Variants in POLR1A observed in about 807,000 individuals in gnomAD.
POLR1A encodes DNA-directed RNA polymerase I subunit RPA1.
A neutral mutation model predicts 205.3 loss-of-function variants in POLR1A; 84 were observed. The observed-to-expected ratio is 0.41, with a 90% CI of 0.34 to 0.49. The LOEUF is 0.49. Ranked by LOEUF, POLR1A falls within the 20% of genes least tolerant of loss-of-function variation. The pLI, the probability that POLR1A is intolerant of heterozygous loss-of-function variation, is 0.22. For missense variants in POLR1A, 1,645 were observed against 2,204.5 expected, an observed-to-expected ratio of 0.75 and a Z score of 5.08; for synonymous variants, 799 against 863.7, an observed-to-expected ratio of 0.93 and a Z score of 1.31.
chr2:86,063,614 G>A (rs1026302967), intron 14 of POLR1A, among the ~76,000 whole-genome samples: 7 of 152,010 alleles, frequency 4.6e-5, no homozygotes, highest in African/African-American at 1.7e-4. Context: ...AAAAATTCTA[G>A]ACAAAATATT....
intron 2 of POLR1A, among the ~76,000 whole-genome samples, chr2:86,099,399 G>A (rs1233179636): frequency 6.7e-6 from 1 of 149,138 alleles, no homozygotes; most frequent in Non-Finnish European, 1.5e-5. Flanking sequence ...ACGATTAACA[G>A]ACAAAAATCA....
chr2:86,029,599 C>CTTTT (rs35348861), intron 31 of POLR1A, among the ~76,000 whole-genome samples: 3 of 137,694 alleles, frequency 2.2e-5, no homozygotes, highest in Non-Finnish European at 3.1e-5. Context: ...TAATTTCTTT[C>CTTTT]TTTTTTTTTT....
chr2:86,085,208 G>A (rs546208607), intron 6 of POLR1A, among the ~76,000 whole-genome samples: 21 of 152,216 alleles, frequency 1.4e-4, no homozygotes, highest in South Asian at 6.2e-4. Flanking sequence ...CAATCCGCCC[G>A]CCTCAGCCTC....
chr2:86,089,977 T>G, intron 3 of POLR1A, 48 bp from the exon 4 acceptor site: 5 of 987,950 alleles, frequency 5.1e-6, no homozygotes, highest in Middle Eastern at 2.1e-4. Flanking sequence ...TGTACACCTC[T>G]GATGAGCAGC....
At chr2:86,050,009 C>G (rs899556051) in intron 16 of POLR1A, among the ~76,000 whole-genome samples, 7 of 151,024 alleles carry the variant, frequency 4.6e-5, no homozygotes, top group African/African-American at 1.5e-4. Context: ...CCGCTGCCTC[C>G]CAGGTTCAAG....
At chr2:86,055,294 C>CAAAAAAAAAA (rs1265267243) in intron 14 of POLR1A, among the ~76,000 whole-genome samples, 8 of 150,976 alleles carry the variant, frequency 5.3e-5, no homozygotes, top group Non-Finnish European at 7.4e-5. Flanking sequence ...AACTCTGTCT[C>CAAAAAAAAAA]AAGAAAAAAA....
chr2:86,105,628 C>T (rs987454233), intron 1 of POLR1A, 72 bp downstream of exon 1: 2 of 1,026,054 alleles, frequency 1.9e-6, no homozygotes, highest in Non-Finnish European at 3.1e-6. Context: ...GGCAAAAGCG[C>T]TTCTGGGAAT....
Position 86,099,993 on chromosome 2 carries a change from G to A in POLR1A, c.257C>T (p.Thr86Ile). The A allele has an allele frequency of 6.2e-7, 1 of 1,614,026 alleles. No individual in the cohort carries two copies. The highest frequency in any genetic ancestry group is 8.5e-7 in the Non-Finnish European group (1 of 1,179,938). Residue 86 changes from threonine (T) to isoleucine (I), a missense_variant, in exon 2 of 34, where the codon ACA becomes ATA. Around this residue, in one of 16 missense-constraint regions of POLR1A, gnomAD observed 330 missense variants for 375.6 expected, o/e 0.88. Transcript: ENST00000263857. ...GHLGHIELPL[T>I]VYNPLLFDKL... ...ATCGAAGAGGAGAGGGTTATACACT[G>A]TGAGTGGGAGCTCAATGTGGCCCAG...
intron 3 of POLR1A, 136 bp downstream of exon 3, chr2:86,098,475 G>T: frequency 1.2e-6 from 1 of 800,674 alleles, no homozygotes; most frequent in Non-Finnish European, 2.0e-6. Context: ...CTCAGCTATT[G>T]GTATCCAGTT....
At chr2:86,090,037 G>A in intron 3 of POLR1A, 108 bp from the exon 4 acceptor site, 1 of 646,358 alleles carries the variant, frequency 1.5e-6, no homozygotes, top group Non-Finnish European at 2.8e-6. Flanking sequence ...TTTGAAGGGA[G>A]AAAAAGAAAC....
At position 86,026,082 on chromosome 2, in the gene POLR1A, C is replaced by T. The variant is rs1347829458; in HGVS notation, c.*1341G>A. On this transcript the variant is annotated 3_prime_UTR_variant, in exon 34 of 34. Transcript: ENST00000263857. ...CCACCCCAGACCAAGGCTAGCACAG[C>T]TTCTGCATAAAGGCTTCTCCCCTCT... 2 of 152,372 alleles carry T rather than the reference C, an allele frequency of 1.3e-5. No individual in the cohort carries two copies. Among genetic ancestry groups the T allele is most frequent in the Admixed American group, 6.5e-5 (1 of 15,286 alleles). The allele number at this position is 152,372 out of a possible 1,614,324, so 9.4% of individuals were successfully genotyped here.
chr2:86,083,045 A>C (rs1293932085), intron 7 of POLR1A, 37 bp downstream of exon 7: 1 of 1,460,010 alleles, frequency 6.8e-7, no homozygotes, highest in Non-Finnish European at 9.6e-7. Context: ...AAAAGCCTAG[A>C]GAAGATCAAG....
intron 9 of POLR1A, among the ~76,000 whole-genome samples, chr2:86,079,388 C>T (rs144129058): frequency 6.6e-6 from 1 of 152,174 alleles, no homozygotes; most frequent in South Asian, 2.1e-4. Context: ...ATCCCCAATG[C>T]CTAGACGGTG....
At chr2:86,068,031 T>G (rs1164828347) in intron 13 of POLR1A, among the ~76,000 whole-genome samples, 1 of 152,158 alleles carries the variant, frequency 6.6e-6, no homozygotes, top group Non-Finnish European at 1.5e-5. Flanking sequence ...TATTAGCATG[T>G]GATGAGGTCC....
intron 16 of POLR1A, 151 bp from the exon 17 acceptor site, chr2:86,049,393 ATT>A (rs1672761744): frequency 1.6e-6 from 1 of 630,054 alleles, no homozygotes; most frequent in African/African-American, 1.8e-5. Flanking sequence ...TTATTAACAG[ATT>A]GCCACCATCT....
chr2:86,088,917 G>C, intron 4 of POLR1A, 47 bp from the exon 5 acceptor site: 1 of 1,327,526 alleles, frequency 7.5e-7, no homozygotes, highest in African/African-American at 1.4e-5. Flanking sequence ...CCATTTTGAA[G>C]AGAATCCAAT....
intron 16 of POLR1A, 51 bp from the exon 17 acceptor site, chr2:86,049,293 C>A: frequency 7.5e-7 from 1 of 1,333,108 alleles, no homozygotes; most frequent in Non-Finnish European, 1.1e-6. Context: ...CTGATTTCTC[C>A]CACCAGACTA....
rs907650651 is a variant in POLR1A, at chr2:86,105,848, C to T, written c.-72G>A. On this transcript the variant is annotated 5_prime_UTR_variant, in exon 1 of 34. Coordinates refer to ENST00000263857, the MANE Select transcript of POLR1A (RefSeq NM_015425.6). ...CACCACCTGACTATTCTTAATTCAA[C>T]CTCAAGCCCGGAGTCACCACGCGAT... The T allele has an allele frequency of 4.4e-6, 6 of 1,377,018 alleles. No individual in the cohort carries two copies. Among genetic ancestry groups the T allele is most frequent in the Admixed American group, 3.6e-5 (2 of 55,542 alleles). The allele number at this position is 1,377,018 out of a possible 1,614,324, so 85.3% of individuals were successfully genotyped here.
At chr2:86,079,908 G>A (rs939891175) in intron 9 of POLR1A, among the ~76,000 whole-genome samples, 4 of 152,304 alleles carry the variant, frequency 2.6e-5, no homozygotes, top group African/African-American at 9.6e-5. Flanking sequence ...ACTGGGTACA[G>A]TTATCCCATG....
Sources: allele counts gnomAD v4.1 joint callset (sites outside exome capture counted in the v4.1 genomes callset), GRCh38; gene constraint gnomAD v4.1.1; regional missense constraint gnomAD v4.1.1; transcripts MANE v1.5; gene names NCBI Gene and HGNC (gene_info 2026-07-23, HGNC 2026-07-21).